Variants in IL20RB observed in about 807,000 individuals in gnomAD.
IL20RB encodes the protein interleukin-20 receptor subunit beta.
In IL20RB, 21 loss-of-function variants were observed where a neutral mutation model predicts 33.3. That is an observed-to-expected ratio of 0.63 (90% CI 0.45 to 0.91). The LOEUF (loss-of-function observed/expected upper bound fraction) is 0.91, where lower values mean the gene tolerates loss of function less well. Ranked by LOEUF, IL20RB falls within the 40% of genes least tolerant of loss-of-function variation. IL20RB has a pLI of 0.00. For synonymous variants in IL20RB, 147 were observed against 146.8 expected (o/e 1.00, Z -0.01); for missense variants, 345 against 384.8 (o/e 0.90, Z 0.86).
In IL20RB at chr3:136,982,230, G is replaced by A. The variant is rs775445406; in HGVS notation, c.286G>A (p.Glu96Lys). 51 of 1,610,166 alleles carry A rather than the reference G, an allele frequency of 3.2e-5. 1 individual carries two copies. In the South Asian group the frequency reaches 5.5e-4, roughly 17 times the overall value. ...CTGGTGCTCACTCACTGAAGGTCCT[G>A]AGTGTGATGTCACTGATGACATCAC... ...SSWCSLTEGP[E>K]CDVTDDITAT... Residue 96 changes from glutamate (E) to lysine (K), a missense_variant, in exon 3 of 7, where the codon GAG becomes AAG. Coordinates refer to ENST00000329582, the MANE Select transcript of IL20RB (RefSeq NM_144717.4).
intron 1 of IL20RB, among the ~76,000 whole-genome samples, chr3:136,970,904 G>A (rs1018202539): frequency 6.6e-6 from 1 of 151,666 alleles, no homozygotes; most frequent in Non-Finnish European, 1.5e-5. Flanking sequence ...CGCCCGGCTC[G>A]GCCTCCCAAA....
chr3:136,995,612 G>GC, intron 6 of IL20RB, 56 bp downstream of exon 6: 1 of 1,563,486 alleles, frequency 6.4e-7, no homozygotes. Context: ...TGTAGTTTGG[G>GC]CCTTAGCTGG....
At chr3:137,004,883 T>A (rs961925708) in intron 6 of IL20RB, among the ~76,000 whole-genome samples, 6 of 152,234 alleles carry the variant, frequency 3.9e-5, no homozygotes, top group Non-Finnish European at 8.8e-5. Context: ...AGATCTTTCC[T>A]GCTTTCTCTT....
chr3:137,005,207 A>C (rs1352750583), intron 6 of IL20RB, among the ~76,000 whole-genome samples: 1 of 152,180 alleles, frequency 6.6e-6, no homozygotes, highest in East Asian at 1.9e-4. Context: ...TTTTAGAATA[A>C]GTGCGATATG....
At chr3:136,958,564 TAAAAC>T (rs879695251) in intron 1 of IL20RB, among the ~76,000 whole-genome samples, 9 of 152,144 alleles carry the variant, frequency 5.9e-5, no homozygotes, top group Non-Finnish European at 1.3e-4. Context: ...AAGAACAAAT[TAAAAC>T]AAAGATTCTA....
intron 1 of IL20RB, among the ~76,000 whole-genome samples, chr3:136,960,578 A>G (rs2108168915): frequency 6.6e-6 from 1 of 152,332 alleles, no homozygotes; most frequent in African/African-American, 2.4e-5. Flanking sequence ...CTGAGTACAC[A>G]TTGTGCCTTC....
At chr3:136,960,847 GA>G (rs920662531) in intron 1 of IL20RB, among the ~76,000 whole-genome samples, 48 of 152,340 alleles carry the variant, frequency 3.2e-4, no homozygotes, top group African/African-American at 1.2e-3. Flanking sequence ...AGGAAATAAA[GA>G]AGATGGTGCT....
chr3:136,996,722 G>C (rs1188321042), intron 6 of IL20RB, among the ~76,000 whole-genome samples: 2 of 152,152 alleles, frequency 1.3e-5, no homozygotes, highest in African/African-American at 4.8e-5. Flanking sequence ...ACTGTTCTAA[G>C]GCTTTATATT....
chr3:136,987,843 T>C (rs2108205835), intron 3 of IL20RB, among the ~76,000 whole-genome samples: 1 of 152,266 alleles, frequency 6.6e-6, no homozygotes. Context: ...GCTAAGCCCC[T>C]CATTGCCGGG....
intron 3 of IL20RB, among the ~76,000 whole-genome samples, chr3:136,985,323 GTC>G (rs543879364): frequency 1.4e-4 from 20 of 140,224 alleles, no homozygotes; most frequent in African/African-American, 4.8e-4. Flanking sequence ...GATCCCTACT[GTC>G]TCTCTCTCTC....
At chr3:137,004,712 A>AT (rs1218109082) in intron 6 of IL20RB, among the ~76,000 whole-genome samples, 4 of 151,762 alleles carry the variant, frequency 2.6e-5, no homozygotes, top group Admixed American at 6.6e-5. Flanking sequence ...TTTTCAAAAA[A>AT]CCAGCTTCTG....
At chr3:136,997,015 AT>A (rs967864761) in intron 6 of IL20RB, among the ~76,000 whole-genome samples, 9 of 150,114 alleles carry the variant, frequency 6.0e-5, no homozygotes, top group South Asian at 2.1e-4. Flanking sequence ...CATCTTTGTC[AT>A]TTTTTTTTGT....
intron 6 of IL20RB, among the ~76,000 whole-genome samples, chr3:136,997,745 C>T (rs991763404): frequency 6.6e-6 from 1 of 151,828 alleles, no homozygotes; most frequent in Admixed American, 6.6e-5. Flanking sequence ...TTCTGACAAC[C>T]TCTGCCTTTA....
chr3:137,009,389 A>T (rs746307843), intron 6 of IL20RB, among the ~76,000 whole-genome samples: 4 of 152,160 alleles, frequency 2.6e-5, no homozygotes, highest in Non-Finnish European at 4.4e-5. Context: ...CTGAAAGAAG[A>T]TGGCGGGAAC....
At chr3:137,000,226 A>T (rs187550735) in intron 6 of IL20RB, among the ~76,000 whole-genome samples, 1 of 152,228 alleles carries the variant, frequency 6.6e-6, no homozygotes, top group Non-Finnish European at 1.5e-5. Flanking sequence ...GTTGATATCT[A>T]TTAGACTGTT....
intron 6 of IL20RB, among the ~76,000 whole-genome samples, chr3:136,996,386 C>T (rs1942127725): frequency 1.3e-5 from 2 of 152,184 alleles, no homozygotes; most frequent in Non-Finnish European, 2.9e-5. Flanking sequence ...ATCCCTGTCA[C>T]CCTAGGGAAT....
chr3:136,994,862 C>T (rs1942096661), intron 5 of IL20RB, among the ~76,000 whole-genome samples: 1 of 152,058 alleles, frequency 6.6e-6, no homozygotes, highest in African/African-American at 2.4e-5. Flanking sequence ...AACTACACGT[C>T]CAGCCCCCAG....
At chr3:136,994,734 CTG>C (rs1304923074) in intron 5 of IL20RB, among the ~76,000 whole-genome samples, 1 of 152,170 alleles carries the variant, frequency 6.6e-6, no homozygotes, top group Non-Finnish European at 1.5e-5. Context: ...GGTAGAATGA[CTG>C]TGAGCTTTGG....
At position 136,981,899 on chromosome 3, in the gene IL20RB, T is replaced by C. The variant is rs368157493; in HGVS notation, c.216-261T>C. Among the ~76,000 whole-genome samples, 9 of 152,298 alleles carry C rather than the reference T, an allele frequency of 5.9e-5. No individual in the cohort carries two copies. The East Asian group carries it at 1.4e-3, about 23-fold the overall frequency. On this transcript the variant is annotated intron_variant, in intron 2 of 6. Transcript: ENST00000329582. ...GGCAAGGAATGACAGTGGCTGAGAT[T>C]AGGGTGATGACCCTGGAGATGAAGA...
Sources: allele counts gnomAD v4.1 joint callset (sites outside exome capture counted in the v4.1 genomes callset), GRCh38; gene constraint gnomAD v4.1.1; transcripts MANE v1.5; gene names NCBI Gene and HGNC (gene_info 2026-07-23, HGNC 2026-07-21).